MAPK4: variants seen among roughly 807,000 people sequenced by gnomAD.
The protein encoded by MAPK4 is Erk3-related.
MAPK4 carries 22 observed loss-of-function variants against 47.7 expected under a neutral mutation model. The ratio of observed to expected loss-of-function variants is 0.46; its 90% CI spans 0.33 to 0.66. MAPK4 has a LOEUF of 0.66. MAPK4 is among the 30% of genes least tolerant of loss of function. MAPK4 has a pLI of 0.02. For synonymous variants in MAPK4, 390 were observed against 365.7 expected (o/e 1.07, Z -0.76); for missense variants, 736 against 831.7 (o/e 0.88, Z 1.42).
At chr18:50,580,580 A>C (rs991165335) in intron 1 of MAPK4, among the ~76,000 whole-genome samples, 2 of 152,174 alleles carry the variant, frequency 1.3e-5, no homozygotes, top group Admixed American at 1.3e-4. Context: ...GGCTAAGGCC[A>C]AGCTGCTTTT....
intron 1 of MAPK4, among the ~76,000 whole-genome samples, chr18:50,608,690 G>A (rs1002592322): frequency 4.6e-5 from 7 of 150,656 alleles, no homozygotes; most frequent in Admixed American, 4.6e-4. Flanking sequence ...CAGCCTGTGA[G>A]ATATGTCTTC....
intron 2 of MAPK4, among the ~76,000 whole-genome samples, chr18:50,680,819 G>T (rs563571755): frequency 1.3e-4 from 20 of 152,272 alleles, no homozygotes; most frequent in African/African-American, 4.8e-4. Context: ...CATTTTGTTT[G>T]TCCATTCATT....
At chr18:50,600,103 G>T (rs1226410245) in intron 1 of MAPK4, among the ~76,000 whole-genome samples, 1 of 152,160 alleles carries the variant, frequency 6.6e-6, no homozygotes, top group African/African-American at 2.4e-5. Context: ...TATAGTTTGT[G>T]TATTCTAATC....
chr18:50,664,636 G>A lies in MAPK4; in HGVS notation c.546+132G>A, dbSNP rs1045985887. On this transcript the variant is annotated intron_variant, in intron 2 of 5. Transcript: ENST00000400384. The surrounding 1 kb of genome is among the most constrained non-coding windows in gnomAD (Gnocchi z 6.0). ...TAGTAATTAGGGGAGGCTGGAGGGT[G>A]CTAGGAAGATCACTAGCCTGAAAAG... The A allele has an allele frequency of 3.1e-5, 32 of 1,018,942 alleles. 1 individual carries two copies. In the South Asian group the frequency reaches 5.7e-4, roughly 18 times the overall value. The allele number at this position is 1,018,942 out of a possible 1,614,324, so 63.1% of individuals were successfully genotyped here.
chr18:50,718,848 G>A (rs575316891), intron 3 of MAPK4, among the ~76,000 whole-genome samples: 59 of 152,030 alleles, frequency 3.9e-4, no homozygotes, highest in African/African-American at 1.4e-3. Context: ...TTGGGAGGCC[G>A]AGGTGGGCGG....
intron 1 of MAPK4, among the ~76,000 whole-genome samples, chr18:50,638,333 A>G (rs889035912): frequency 2.0e-5 from 3 of 152,244 alleles, no homozygotes; most frequent in Non-Finnish European, 4.4e-5. Context: ...TCAAACAAGC[A>G]TGACATATTT....
intron 1 of MAPK4, among the ~76,000 whole-genome samples, chr18:50,597,275 G>A (rs1169955943): frequency 1.3e-5 from 2 of 152,154 alleles, no homozygotes; most frequent in Admixed American, 6.5e-5. Context: ...GAATTGGGTG[G>A]CATAGTCTGG....
At chr18:50,624,240 G>A (rs761612174) in intron 1 of MAPK4, among the ~76,000 whole-genome samples, 1 of 152,212 alleles carries the variant, frequency 6.6e-6, no homozygotes, top group African/African-American at 2.4e-5. Flanking sequence ...AAGTATGAAT[G>A]GATATATGAG....
intron 1 of MAPK4, among the ~76,000 whole-genome samples, chr18:50,562,764 T>G (rs1267825566): frequency 2.0e-5 from 3 of 152,234 alleles, no homozygotes; most frequent in African/African-American, 7.2e-5. Flanking sequence ...AAATGTAGTC[T>G]AAGACGTAGT....
chr18:50,661,635 C>T (rs749010483), intron 1 of MAPK4, among the ~76,000 whole-genome samples: 17 of 152,242 alleles, frequency 1.1e-4, no homozygotes, highest in Non-Finnish European at 1.9e-4. Flanking sequence ...GGTGGGAATG[C>T]TCGGTAGAAT....
intron 2 of MAPK4, among the ~76,000 whole-genome samples, chr18:50,708,960 G>A (rs556644760): frequency 6.6e-6 from 1 of 152,318 alleles, no homozygotes; most frequent in South Asian, 2.1e-4. Context: ...AAAACTGTCT[G>A]AGGAGCTCAA....
intron 2 of MAPK4, among the ~76,000 whole-genome samples, chr18:50,685,875 C>T (rs1908855666): frequency 6.6e-6 from 1 of 151,152 alleles, no homozygotes; most frequent in Middle Eastern, 3.2e-3. Flanking sequence ...TTCTCGGTGG[C>T]ACTGATCTGC....
chr18:50,645,356 C>A (rs1025082728), intron 1 of MAPK4, among the ~76,000 whole-genome samples: 3 of 152,128 alleles, frequency 2.0e-5, no homozygotes, highest in African/African-American at 7.2e-5. Context: ...TGAACGCCAA[C>A]GTGCTGTCCA....
At chr18:50,596,512 G>A (rs2042483282) in intron 1 of MAPK4, among the ~76,000 whole-genome samples, 1 of 152,168 alleles carries the variant, frequency 6.6e-6, no homozygotes, top group Non-Finnish European at 1.5e-5. Flanking sequence ...GAACAACACT[G>A]GGTTCATTAG....
At chr18:50,723,691 C>T (rs1261919432) in intron 4 of MAPK4, among the ~76,000 whole-genome samples, 1 of 152,170 alleles carries the variant, frequency 6.6e-6, no homozygotes, top group African/African-American at 2.4e-5. Context: ...AGGGAGACCC[C>T]ATCTCCACTA....
chr18:50,689,355 TGC>T (rs1281909352), intron 2 of MAPK4, among the ~76,000 whole-genome samples: 1 of 148,836 alleles, frequency 6.7e-6, no homozygotes, highest in Non-Finnish European at 1.5e-5. Context: ...GATCCGAGAT[TGC>T]GCCATTGCAC....
rs540751588 is a variant in MAPK4, at chr18:50,563,202, GA to G, written c.-871+2964del. Among the ~76,000 whole-genome samples the G allele has an allele frequency of 1.2e-4, 19 of 152,334 alleles. No homozygotes were observed. The East Asian group carries it at 3.7e-3, about 29-fold the overall frequency. Reference sequence around the variant, plus strand: ...ATGAATGTGCTCATAAGAAAAGGGGGAAAAACTATCCGGAATTTACAGAGAA... The same window carrying G: ...ATGAATGTGCTCATAAGAAAAGGGGGAAAACTATCCGGAATTTACAGAGAA... On this transcript the variant is annotated intron_variant, in intron 1 of 5. Coordinates refer to ENST00000400384, the MANE Select transcript of MAPK4 (RefSeq NM_002747.4).
chr18:50,621,247 G>C (rs546953699), intron 1 of MAPK4, among the ~76,000 whole-genome samples: 1 of 152,272 alleles, frequency 6.6e-6, no homozygotes, highest in Admixed American at 6.5e-5. Context: ...GCAGACAAAA[G>C]ACAGAAGATG....
At chr18:50,588,220 G>A (rs1224721527) in intron 1 of MAPK4, among the ~76,000 whole-genome samples, 2 of 152,188 alleles carry the variant, frequency 1.3e-5, no homozygotes, top group African/African-American at 4.8e-5. Context: ...GGCATCAAAT[G>A]GGGTTGCTCA....
Sources: gnomAD v4.1 joint callset for allele counts (sites outside exome capture counted in the v4.1 genomes callset) on GRCh38, gnomAD v4.1.1 for gene constraint, Gnocchi (gnomAD v3.1) non-coding constraint, MANE v1.5 for transcripts, NCBI Gene and HGNC (gene_info 2026-07-23, HGNC 2026-07-21) for gene names.